Variants in CSRNP3 observed in about 807,000 individuals in gnomAD.
CSRNP3 encodes the protein cysteine and serine rich nuclear protein 3, also known as cysteine/serine-rich nuclear protein 3.
A neutral mutation model predicts 48.0 loss-of-function variants in CSRNP3; 12 were observed. The ratio of observed to expected loss-of-function variants is 0.25; its 90% CI spans 0.16 to 0.41. The LOEUF (loss-of-function observed/expected upper bound fraction) is 0.41. Ranked by LOEUF, CSRNP3 falls within the 10% of genes least tolerant of loss-of-function variation. CSRNP3 has a pLI of 1.00. For synonymous variants in CSRNP3, 263 were observed against 269.7 expected (o/e 0.98, Z 0.24); for missense variants, 580 against 724.4 (o/e 0.80, Z 2.29).
At position 165,685,619 on chromosome 2, in the gene CSRNP3, G is replaced by A. The variant is rs1198914211; in HGVS notation, c.*5866G>A. The A allele has an allele frequency of 6.6e-6, 1 of 152,112 alleles. No homozygotes were observed. Among genetic ancestry groups the A allele is most frequent in the African/African-American group, 2.4e-5 (1 of 41,444 alleles). 9.4% of individuals were successfully genotyped at this position (152,112 alleles called of 1,614,324 possible). ...TGGGAAATGAGGTCATTTCAAAGAT[G>A]TAAGTCACGTTGGTGACTACTTTCT... is the stretch of plus-strand genomic sequence containing the variant. On this transcript the variant is annotated 3_prime_UTR_variant, in exon 7 of 7. Coordinates refer to ENST00000651982, the MANE Select transcript of CSRNP3 (RefSeq NM_001172173.2).
intron 5 of CSRNP3, among the ~76,000 whole-genome samples, chr2:165,660,194 G>A (rs1005151159): frequency 1.3e-5 from 2 of 152,246 alleles, no homozygotes; most frequent in East Asian, 3.9e-4. Flanking sequence ...CCAAATTCAA[G>A]TATTGATAGC....
chr2:165,550,207 C>T (rs1393155705), intron 3 of CSRNP3, among the ~76,000 whole-genome samples: 5 of 151,976 alleles, frequency 3.3e-5, no homozygotes, highest in African/African-American at 9.6e-5. Flanking sequence ...AATGCATGAA[C>T]AAAAAGATTT....
At chr2:165,531,711 A>G (rs1378188028) in intron 3 of CSRNP3, among the ~76,000 whole-genome samples, 1 of 152,232 alleles carries the variant, frequency 6.6e-6, no homozygotes, top group Non-Finnish European at 1.5e-5. Flanking sequence ...CTAAGATCAG[A>G]GCATAACTGA....
chr2:165,643,675 A>G (rs68047481), intron 4 of CSRNP3, among the ~76,000 whole-genome samples: 13,349 of 152,166 alleles, frequency 0.088, 711 homozygotes, highest in African/African-American at 0.14. Context: ...TCTAGACCAT[A>G]ATGTTTCAGT....
chr2:165,475,357 A>C (rs1306963319), intron 1 of CSRNP3, among the ~76,000 whole-genome samples: 2 of 152,148 alleles, frequency 1.3e-5, no homozygotes, highest in Non-Finnish European at 2.9e-5. Flanking sequence ...GCTGAGTGTT[A>C]AATGGAAAAC....
chr2:165,529,567 A>C (rs1478701082), intron 3 of CSRNP3, among the ~76,000 whole-genome samples: 1 of 152,158 alleles, frequency 6.6e-6, no homozygotes, highest in East Asian at 1.9e-4. Context: ...GGCAGCATGG[A>C]TATGAACTAA....
chr2:165,518,456 A>G (rs1278121673), intron 3 of CSRNP3, among the ~76,000 whole-genome samples: 3 of 151,962 alleles, frequency 2.0e-5, no homozygotes, highest in African/African-American at 4.8e-5. Context: ...TGTGGCTTCG[A>G]TAAAATGACA....
In CSRNP3 at chr2:165,600,930, T is replaced by C. The variant is rs55706850; in HGVS notation, c.148+5717T>C. Among the ~76,000 whole-genome samples, 827 of 152,352 alleles carry C rather than the reference T, an allele frequency of 5.4e-3. 6 individuals are homozygous for C. The highest frequency in any genetic ancestry group is 9.2e-3 in the Non-Finnish European group (628 of 68,030). Reference sequence around the variant, plus strand: ...ATTGTTTGGTATGTGTCAACAGCTATGGTAGTAGAAAATTCCATGCTATTG... The same window carrying C: ...ATTGTTTGGTATGTGTCAACAGCTACGGTAGTAGAAAATTCCATGCTATTG... On this transcript the variant is annotated intron_variant, in intron 4 of 6. Coordinates refer to ENST00000651982, the MANE Select transcript of CSRNP3 (RefSeq NM_001172173.2).
intron 4 of CSRNP3, among the ~76,000 whole-genome samples, chr2:165,605,993 A>G (rs956289940): frequency 1.3e-5 from 2 of 152,120 alleles, no homozygotes; most frequent in Admixed American, 1.3e-4. Flanking sequence ...GACATTGCAA[A>G]TGAGTTGAGA....
intron 4 of CSRNP3, among the ~76,000 whole-genome samples, chr2:165,609,818 G>T (rs1421982600): frequency 6.6e-6 from 1 of 152,136 alleles, no homozygotes; most frequent in African/African-American, 2.4e-5. Context: ...GGAAAAGATC[G>T]AGAAGAGAGA....
At chr2:165,644,609 A>G (rs549483967) in intron 4 of CSRNP3, among the ~76,000 whole-genome samples, 2 of 152,116 alleles carry the variant, frequency 1.3e-5, no homozygotes, top group Non-Finnish European at 2.9e-5. Flanking sequence ...ACACGCTCAC[A>G]TTTTTATTAT....
At chr2:165,563,519 G>A (rs543982109) in intron 3 of CSRNP3, among the ~76,000 whole-genome samples, 9 of 152,228 alleles carry the variant, frequency 5.9e-5, no homozygotes, top group Admixed American at 3.3e-4. Flanking sequence ...TGCCCAATTC[G>A]CGAATCATTC....
chr2:165,634,227 G>C lies in CSRNP3; in HGVS notation c.149-23534G>C, dbSNP rs1179025026. Among the ~76,000 whole-genome samples the C allele has an allele frequency of 2.0e-5, 3 of 151,886 alleles. No homozygotes were observed. The South Asian group carries it at 6.3e-4, about 32-fold the overall frequency. On this transcript the variant is annotated intron_variant, in intron 4 of 6. Coordinates refer to ENST00000651982, the MANE Select transcript of CSRNP3 (RefSeq NM_001172173.2). ...TGATGGTGTGTGCCTGTAATCCCAG[G>C]TACTCAGGAGGCTGAGATGGAAGAA... is the stretch of plus-strand genomic sequence containing the variant.
chr2:165,500,176 C>A (rs1392999706), intron 2 of CSRNP3, among the ~76,000 whole-genome samples: 1 of 151,492 alleles, frequency 6.6e-6, no homozygotes, highest in African/African-American at 2.4e-5. Context: ...TGGTGAGACC[C>A]AGTCTGTGGT....
Position 165,626,818 on chromosome 2 carries a change from C to T in CSRNP3, c.149-30943C>T, listed in dbSNP as rs1335987505. Among the ~76,000 whole-genome samples, 3 of 152,294 alleles carry T rather than the reference C, an allele frequency of 2.0e-5. No homozygotes were observed. In the East Asian group the frequency reaches 5.8e-4, roughly 29 times the overall value. ...AGGATAAAATTACTTATATTCTTCG[C>T]AAACCAAGAAATATCCACATGCCTA... On this transcript the variant is annotated intron_variant, in intron 4 of 6. Coordinates refer to ENST00000651982, the MANE Select transcript of CSRNP3 (RefSeq NM_001172173.2).
At chr2:165,622,671 G>A (rs562084692) in intron 4 of CSRNP3, among the ~76,000 whole-genome samples, 1 of 152,116 alleles carries the variant, frequency 6.6e-6, no homozygotes, top group South Asian at 2.1e-4. Flanking sequence ...TTTCTCCAGT[G>A]GGAAGGAGAT....
intron 3 of CSRNP3, among the ~76,000 whole-genome samples, chr2:165,528,835 T>C (rs1684773051): frequency 6.6e-6 from 1 of 152,204 alleles, no homozygotes; most frequent in South Asian, 2.1e-4. Context: ...TGGGCCTGCA[T>C]GCTCCATGGG....
At chr2:165,636,071 C>T (rs1307769704) in intron 4 of CSRNP3, among the ~76,000 whole-genome samples, 3 of 152,244 alleles carry the variant, frequency 2.0e-5, no homozygotes, top group East Asian at 3.9e-4. Flanking sequence ...ATTGCTATAA[C>T]CCAGTTTCTT....
chr2:165,577,629 C>T (rs1003332042), intron 3 of CSRNP3, among the ~76,000 whole-genome samples: 5 of 151,726 alleles, frequency 3.3e-5, no homozygotes, highest in African/African-American at 1.2e-4. Context: ...AAAGACAAAA[C>T]TATTCCCAAC....
Sources: allele counts gnomAD v4.1 joint callset (sites outside exome capture counted in the v4.1 genomes callset), GRCh38; gene constraint gnomAD v4.1.1; transcripts MANE v1.5; gene names NCBI Gene and HGNC (gene_info 2026-07-23, HGNC 2026-07-21).